ROBO2: variants seen among roughly 807,000 people sequenced by gnomAD.
The protein encoded by ROBO2 is roundabout homolog 2.
Under a neutral mutation model 160.8 loss-of-function variants are expected in ROBO2, and 53 were observed. The ratio of observed to expected loss-of-function variants is 0.33; its 90% CI spans 0.26 to 0.41. The LOEUF is 0.41. Ranked by LOEUF, ROBO2 falls within the 10% of genes least tolerant of loss-of-function variation. The probability of loss-of-function intolerance (pLI) is 1.00; values close to 1 mark genes in which losing one functional copy is unlikely to be tolerated. For missense variants in ROBO2, 1,577 were observed against 1,722.4 expected, an observed-to-expected ratio of 0.92 and a Z score of 1.49; for synonymous variants, 664 against 611.7, an observed-to-expected ratio of 1.09 and a Z score of -1.26.
chr3:77,107,112 G>C (rs180681446), intron 2 of ROBO2, among the ~76,000 whole-genome samples: 88 of 152,300 alleles, frequency 5.8e-4, no homozygotes, highest in African/African-American at 2.1e-3. Context: ...GGTTTTGTGA[G>C]GCCCCACCTC....
chr3:77,307,372 G>A (rs1203201000), intron 2 of ROBO2, among the ~76,000 whole-genome samples: 1 of 152,234 alleles, frequency 6.6e-6, no homozygotes, highest in South Asian at 2.1e-4. Context: ...TTAAAGTAGA[G>A]TTTACCATCT....
exon 11 of ROBO2, chr3:77,563,324 T>G: frequency 6.2e-7 from 1 of 1,613,416 alleles, no homozygotes. Flanking sequence ...TCATTGAGGC[T>G]TTCAGGTATG....
At chr3:77,183,244 T>C (rs1226648189) in intron 2 of ROBO2, among the ~76,000 whole-genome samples, 2 of 152,084 alleles carry the variant, frequency 1.3e-5, no homozygotes, top group African/African-American at 4.8e-5. Flanking sequence ...AATCTAGAAT[T>C]CCACATTCTC....
intron 2 of ROBO2, among the ~76,000 whole-genome samples, chr3:76,642,779 T>C (rs1475048214): frequency 1.3e-5 from 2 of 152,206 alleles, no homozygotes; most frequent in African/African-American, 2.4e-5. Context: ...TTCATTCTTC[T>C]GCAGCAATTG....
intron 6 of ROBO2, 65 bp from the exon 7 acceptor site, chr3:77,527,338 T>A: frequency 8.3e-7 from 1 of 1,197,850 alleles, no homozygotes; most frequent in African/African-American, 1.6e-5. Context: ...TGCATTCTGA[T>A]AATTTTTCTT....
intron 12 of ROBO2, among the ~76,000 whole-genome samples, chr3:77,567,436 G>A (rs1190188039): frequency 6.6e-6 from 1 of 151,806 alleles, no homozygotes; most frequent in Non-Finnish European, 1.5e-5. Context: ...TTTCTTAATG[G>A]ACACAGCCTA....
At chr3:76,073,493 T>A (rs6787432) in intron 2 of ROBO2, among the ~76,000 whole-genome samples, 2 of 150,886 alleles carry the variant, frequency 1.3e-5, no homozygotes, top group Admixed American at 6.6e-5. Flanking sequence ...GGGTTTCACC[T>A]TGTTAGCCAG....
At chr3:75,910,188 G>A (rs1946510019) in intron 1 of ROBO2, among the ~76,000 whole-genome samples, 2 of 152,108 alleles carry the variant, frequency 1.3e-5, no homozygotes, top group Non-Finnish European at 2.9e-5. Flanking sequence ...AGCTCTGATG[G>A]CCCAGAAAAG....
At chr3:76,359,537 A>G (rs1206317965) in intron 2 of ROBO2, among the ~76,000 whole-genome samples, 1 of 152,040 alleles carries the variant, frequency 6.6e-6, no homozygotes, top group Non-Finnish European at 1.5e-5. Context: ...TGGACATGTG[A>G]TCCTTTACCT....
intron 2 of ROBO2, among the ~76,000 whole-genome samples, chr3:76,719,761 GT>G (rs1435980163): frequency 1.3e-5 from 2 of 151,888 alleles, no homozygotes; most frequent in African/African-American, 4.8e-5. Flanking sequence ...GTGAGCACCT[GT>G]AGTCCCAGCT....
At chr3:76,553,058 T>C (rs1324861675) in intron 2 of ROBO2, among the ~76,000 whole-genome samples, 1 of 152,058 alleles carries the variant, frequency 6.6e-6, no homozygotes, top group Non-Finnish European at 1.5e-5. Context: ...ATGAATTCAA[T>C]AGGAGAGATA....
chr3:77,638,529 T>A (rs13326367), intron 24 of ROBO2, among the ~76,000 whole-genome samples: 17,826 of 152,070 alleles, frequency 0.12, 1,630 homozygotes, highest in African/African-American at 0.24. Flanking sequence ...GTGAGAAAGC[T>A]GCCTTCCCTG....
chr3:77,449,352 G>T (rs749764298), intron 2 of ROBO2, among the ~76,000 whole-genome samples: 7 of 152,026 alleles, frequency 4.6e-5, no homozygotes, highest in African/African-American at 1.7e-4. Flanking sequence ...TTAAATATGC[G>T]TATGGGGTAA....
intron 2 of ROBO2, among the ~76,000 whole-genome samples, chr3:76,543,890 C>T (rs1432259051): frequency 6.6e-6 from 1 of 151,926 alleles, no homozygotes; most frequent in Non-Finnish European, 1.5e-5. Flanking sequence ...TTTCTAGCTG[C>T]TTCTTTCTAT....
intron 2 of ROBO2, among the ~76,000 whole-genome samples, chr3:76,552,209 GTTA>G (rs1409972911): frequency 1.3e-5 from 2 of 152,246 alleles, no homozygotes; most frequent in African/African-American, 4.8e-5. Flanking sequence ...ATACACATAG[GTTA>G]TATGTAAATA....
chr3:77,198,834 T>C (rs9821766), intron 2 of ROBO2, among the ~76,000 whole-genome samples: 50,780 of 151,282 alleles, frequency 0.34, 9,971 homozygotes, highest in Middle Eastern at 0.53. Context: ...ACCCGGGAGG[T>C]GGAGGTTGCA....
chr3:77,621,983 T>C lies in ROBO2; in HGVS notation c.3555-244T>C, dbSNP rs1014148892. Among the ~76,000 whole-genome samples, 6 of 152,092 alleles carry C rather than the reference T, an allele frequency of 3.9e-5. 1 individual carries two copies. The South Asian group carries it at 1.3e-3, about 32-fold the overall frequency. On this transcript the variant is annotated intron_variant, in intron 22 of 25. Coordinates refer to ENST00000461745, the Ensembl canonical transcript of ROBO2. ...TTTCACAAAAATACTGGGCCCGTAT[T>C]TTTTTTTCTCCGTGTGTTATCCTAT...
intron 2 of ROBO2, among the ~76,000 whole-genome samples, chr3:76,896,087 TCTC>T (rs963838226): frequency 2.6e-5 from 4 of 152,158 alleles, no homozygotes; most frequent in Non-Finnish European, 4.4e-5. Flanking sequence ...GAGTTCAGTG[TCTC>T]CTCCGCCTCT....
intron 4 of ROBO2, among the ~76,000 whole-genome samples, chr3:77,483,607 G>A (rs1437835344): frequency 6.6e-6 from 1 of 151,306 alleles, no homozygotes; most frequent in Non-Finnish European, 1.5e-5. Flanking sequence ...CCACTCTGTA[G>A]CTACAGAAGG....
Sources: allele counts gnomAD v4.1 joint callset (sites outside exome capture counted in the v4.1 genomes callset), GRCh38; gene constraint gnomAD v4.1.1; transcripts MANE v1.5; gene names NCBI Gene and HGNC (gene_info 2026-07-23, HGNC 2026-07-21).